The following R3HDM2 variants were observed in gnomAD, a reference collection of about 807,000 sequenced individuals.
The protein encoded by R3HDM2 is R3H domain containing 2.
In R3HDM2, 38 loss-of-function variants were observed where a neutral mutation model predicts 124.5. That is an observed-to-expected ratio of 0.31 (90% CI 0.24 to 0.40). The LOEUF is 0.40. R3HDM2 is among the 10% of genes least tolerant of loss of function. The pLI is 1.00. For missense variants in R3HDM2, 869 were observed against 1,236.9 expected (o/e 0.70, Z 4.46); for synonymous variants, 391 against 448.0 (o/e 0.87, Z 1.61).
At chr12:57,383,827 C>CTCAA (rs2065270551) in intron 2 of R3HDM2, among the ~76,000 whole-genome samples, 1 of 152,106 alleles carries the variant, frequency 6.6e-6, no homozygotes, top group South Asian at 2.1e-4. Context: ...TTTTAAGGAC[C>CTCAA]TCAATATGCA....
chr12:57,411,537 C>T (rs2069003628), intron 1 of R3HDM2, among the ~76,000 whole-genome samples: 1 of 152,182 alleles, frequency 6.6e-6, no homozygotes, highest in Non-Finnish European at 1.5e-5. Context: ...TTATATGTTT[C>T]CACATCAAAG....
At chr12:57,312,928 CAAAAA>C (rs57500144) in intron 2 of R3HDM2, among the ~76,000 whole-genome samples, 1 of 49,850 alleles carries the variant, frequency 2.0e-5, no homozygotes, top group Non-Finnish European at 4.4e-5. Context: ...GACTCTGGCT[CAAAAA>C]AAAAAAAAAA....
intron 2 of R3HDM2, among the ~76,000 whole-genome samples, chr12:57,380,408 T>C (rs932758584): frequency 5.3e-5 from 8 of 152,138 alleles, no homozygotes; most frequent in African/African-American, 1.9e-4. Context: ...CCCTTGCAGG[T>C]AGACAGAATG....
intron 6 of R3HDM2, among the ~76,000 whole-genome samples, chr12:57,298,862 C>T (rs1029073477): frequency 1.3e-5 from 2 of 151,972 alleles, no homozygotes; most frequent in Non-Finnish European, 2.9e-5. Flanking sequence ...ACTCAGGTGG[C>T]TGAGGCAAGA....
At chr12:57,336,380 T>C (rs766095972) in intron 2 of R3HDM2, among the ~76,000 whole-genome samples, 9 of 152,126 alleles carry the variant, frequency 5.9e-5, no homozygotes, top group Non-Finnish European at 1.0e-4. Context: ...CTATTCAGAA[T>C]AGCAAAGACG....
At chr12:57,424,895 C>G (rs532454292) in intron 1 of R3HDM2, among the ~76,000 whole-genome samples, 3 of 152,026 alleles carry the variant, frequency 2.0e-5, no homozygotes, top group Non-Finnish European at 4.4e-5. Context: ...TAACGGTGCA[C>G]GTAAAACAAA....
intron 3 of R3HDM2, among the ~76,000 whole-genome samples, chr12:57,304,741 A>G (rs767465786): frequency 6.6e-6 from 1 of 152,244 alleles, no homozygotes; most frequent in Non-Finnish European, 1.5e-5. Flanking sequence ...GGATATATAT[A>G]GAACAGTAAG....
rs534942563 is a variant in R3HDM2, at chr12:57,346,635, A to G, written c.-35-36172T>C. On this transcript the variant is annotated intron_variant, in intron 2 of 23. Coordinates refer to ENST00000402412, the MANE Select transcript of R3HDM2 (RefSeq NM_001394031.1). Reference sequence around the variant, plus strand: ...AAGGAAAACTAAGAGAATTCACAGTAGCAGATCTGCACTAAAAGAATGGTC... The same window carrying G: ...AAGGAAAACTAAGAGAATTCACAGTGGCAGATCTGCACTAAAAGAATGGTC... Among the ~76,000 whole-genome samples, 19 of 152,362 alleles carry G rather than the reference A, an allele frequency of 1.2e-4. No homozygotes were observed. The South Asian group carries it at 3.7e-3, about 30-fold the overall frequency.
chr12:57,289,922 A>C (rs1427926085), intron 11 of R3HDM2, among the ~76,000 whole-genome samples: 1 of 152,210 alleles, frequency 6.6e-6, no homozygotes, highest in African/African-American at 2.4e-5. Context: ...TCCACATGGA[A>C]TCTTTGGAGT....
intron 7 of R3HDM2, 58 bp from the exon 8 acceptor site, chr12:57,297,445 C>T: frequency 5.6e-6 from 6 of 1,079,118 alleles, no homozygotes; most frequent in East Asian, 5.3e-5. Flanking sequence ...CTCCCATAGA[C>T]ATTGAAAGTG....
intron 2 of R3HDM2, among the ~76,000 whole-genome samples, chr12:57,387,819 C>T (rs928748688): frequency 1.3e-5 from 2 of 152,106 alleles, no homozygotes; most frequent in African/African-American, 2.4e-5. Flanking sequence ...ACCAGTGGAA[C>T]TGGAAATCTA....
intron 2 of R3HDM2, among the ~76,000 whole-genome samples, chr12:57,334,733 TGAGGAA>T (rs2058641273): frequency 2.0e-5 from 3 of 152,096 alleles, no homozygotes; most frequent in African/African-American, 7.2e-5. Context: ...CAGGATATAT[TGAGGAA>T]TCAGTGTAGG....
intron 2 of R3HDM2, among the ~76,000 whole-genome samples, chr12:57,332,410 C>CAA (rs10653446): frequency 0.46 from 27,808 of 60,890 alleles, 5,941 homozygotes; most frequent in Admixed American, 0.47. Context: ...GACCCTGTCT[C>CAA]AAAAAAAAAA....
Position 57,265,985 on chromosome 12 carries a change from T to C in R3HDM2, c.2131+746A>G, listed in dbSNP as rs570235189. 1.2e-3 allele frequency among the ~76,000 whole-genome samples: 188 copies of C among 152,002 alleles called. 1 individual carries two copies. The highest frequency in any genetic ancestry group is 4.2e-3 in the African/African-American group (172 of 41,444). On this transcript the variant is annotated intron_variant, in intron 19 of 23. Transcript: ENST00000402412. ...CTAATTTTTGTATTTTTAATAGAAG[T>C]GGGGTTTCACCATGTTTGCCAGGCT...
intron 2 of R3HDM2, among the ~76,000 whole-genome samples, chr12:57,329,740 C>T (rs1470991494): frequency 5.7e-5 from 7 of 123,712 alleles, no homozygotes; most frequent in South Asian, 2.8e-4. Context: ...AAAAAGACTC[C>T]GTCTCAAAAA....
At chr12:57,301,135 T>TA (rs1313261663) in intron 4 of R3HDM2, among the ~76,000 whole-genome samples, 1 of 150,884 alleles carries the variant, frequency 6.6e-6, no homozygotes, top group African/African-American at 2.4e-5. Flanking sequence ...TAAAAAAAAA[T>TA]AAAAAAAAGA....
At chr12:57,351,914 G>GT (rs1017513309) in intron 2 of R3HDM2, among the ~76,000 whole-genome samples, 1 of 152,092 alleles carries the variant, frequency 6.6e-6, no homozygotes, top group Non-Finnish European at 1.5e-5. Flanking sequence ...GACAAAAGCA[G>GT]TAAGACATAA....
intron 1 of R3HDM2, chr12:57,430,469 A>C: frequency 1.1e-6 from 1 of 946,714 alleles, no homozygotes; most frequent in Non-Finnish European, 1.3e-6. Context: ...CGCAAAGGCC[A>C]CAGGTGGCGC....
At chr12:57,415,577 G>A (rs566936498) in intron 1 of R3HDM2, among the ~76,000 whole-genome samples, 1 of 10,608 alleles carries the variant, frequency 9.4e-5, no homozygotes, top group East Asian at 6.0e-3. Flanking sequence ...AAGGCCAGGG[G>A]TGGAAAAAAA....
Sources: allele counts gnomAD v4.1 joint callset (sites outside exome capture counted in the v4.1 genomes callset), GRCh38; gene constraint gnomAD v4.1.1; transcripts MANE v1.5; gene names NCBI Gene and HGNC (gene_info 2026-07-23, HGNC 2026-07-21).